The following PKP4 variants were observed in gnomAD, a reference collection of about 807,000 sequenced individuals.
PKP4 encodes the protein plakophilin 4.
Under a neutral mutation model 145.1 loss-of-function variants are expected in PKP4, and 90 were observed. The ratio of observed to expected loss-of-function variants is 0.62; its 90% CI spans 0.52 to 0.74. The LOEUF (loss-of-function observed/expected upper bound fraction) is 0.74. Ranked by LOEUF, PKP4 falls within the 30% of genes least tolerant of loss-of-function variation. PKP4 has a pLI of 0.00. For synonymous variants in PKP4, 563 were observed against 577.2 expected (o/e 0.98, Z 0.35); for missense variants, 1,340 against 1,482.7 (o/e 0.90, Z 1.58).
Position 158,489,156 on chromosome 2 carries a change from A to AT in PKP4, c.-6+31947dup, listed in dbSNP as rs1384047411. Among the ~76,000 whole-genome samples the AT allele has an allele frequency of 8.9e-3, 1,346 of 151,308 alleles. 20 individuals carry two copies. Among genetic ancestry groups the AT allele is most frequent in the African/African-American group, 0.03 (1,227 of 41,224 alleles). On this transcript the variant is annotated intron_variant, in intron 1 of 21. Coordinates refer to ENST00000389759, the MANE Select transcript of PKP4 (RefSeq NM_003628.6). ...AAGTTCATCCACATACAGTAGAGTC[A>AT]TTTTTTTTTCCTTCAGAAATCATTA...
At chr2:158,529,800 A>T (rs1053521230) in intron 1 of PKP4, among the ~76,000 whole-genome samples, 5 of 152,148 alleles carry the variant, frequency 3.3e-5, no homozygotes, top group African/African-American at 1.2e-4. Flanking sequence ...GTCTCATTAG[A>T]GGCAGCTCAT....
intron 11 of PKP4, among the ~76,000 whole-genome samples, chr2:158,651,713 C>T (rs1422003222): frequency 2.6e-5 from 4 of 151,778 alleles, no homozygotes; most frequent in Admixed American, 6.6e-5. Context: ...CAAGGAGAAG[C>T]GGCATGGTCT....
At position 158,533,280 on chromosome 2, in the gene PKP4, C is replaced by G. The variant is rs1159822768; in HGVS notation, c.96C>G (p.Thr32=). The G allele has an allele frequency of 6.2e-7, 1 of 1,614,042 alleles. No individual in the cohort carries two copies. Among genetic ancestry groups the G allele is most frequent in the East Asian group, 2.2e-5 (1 of 44,896 alleles). ...ASTGPGMEPE[T]TATTILASVK... ...CTGGCCCAGGCATGGAACCCGAGAC[C>G]ACAGCCACCACTATTCTAGCATCCG... Residue 32 remains threonine (T), a synonymous_variant, in exon 2 of 22, where the codon ACC becomes ACG. Coordinates refer to ENST00000389759, the MANE Select transcript of PKP4 (RefSeq NM_003628.6).
rs745891806 is a variant in PKP4, at chr2:158,680,617, C to T, written c.3519C>T (p.Ser1173=). 6 of 1,613,660 alleles carry T rather than the reference C, an allele frequency of 3.7e-6. No homozygotes were observed. In the East Asian group the frequency reaches 1.1e-4, roughly 30 times the overall value. ...CCACAAATTATGTAGACTTTTATTC[C>T]ACTAAACGACCTTCTTATAGAGCAG... is the stretch of plus-strand genomic sequence containing the variant. ...KSTTNYVDFY[S]TKRPSYRAEQ... The change falls in exon 22 of 22, where the codon TCC becomes TCT. Residue 1173 remains serine, a synonymous_variant. Transcript: ENST00000389759.
At chr2:158,487,761 G>A (rs1410836419) in intron 1 of PKP4, among the ~76,000 whole-genome samples, 1 of 151,210 alleles carries the variant, frequency 6.6e-6, no homozygotes, top group Non-Finnish European at 1.5e-5. Context: ...AGACTTGATG[G>A]TGAAAGAAAG....
At chr2:158,471,311 A>G (rs947119911) in intron 1 of PKP4, among the ~76,000 whole-genome samples, 3 of 152,236 alleles carry the variant, frequency 2.0e-5, no homozygotes, top group African/African-American at 7.2e-5. Flanking sequence ...ATCAGTGTAG[A>G]TGCTTAGGCG....
chr2:158,495,071 A>G (rs1695482970), intron 1 of PKP4, among the ~76,000 whole-genome samples: 13 of 151,270 alleles, frequency 8.6e-5, no homozygotes, highest in Admixed American at 8.6e-4. Flanking sequence ...ACAAAAAATT[A>G]GCCGGGCACG....
intron 3 of PKP4, among the ~76,000 whole-genome samples, chr2:158,580,271 C>CT (rs1271035809): frequency 6.6e-6 from 1 of 152,052 alleles, no homozygotes; most frequent in African/African-American, 2.4e-5. Flanking sequence ...CTGTCAGTGA[C>CT]TTTTTTTGTG....
At chr2:158,663,797 G>A (rs1181973756) in intron 15 of PKP4, among the ~76,000 whole-genome samples, 2 of 152,218 alleles carry the variant, frequency 1.3e-5, no homozygotes, top group African/African-American at 2.4e-5. Context: ...GAGTAAGGAC[G>A]TGGAGGAGAT....
At chr2:158,485,474 A>G (rs1456799080) in intron 1 of PKP4, among the ~76,000 whole-genome samples, 4 of 152,222 alleles carry the variant, frequency 2.6e-5, no homozygotes, top group African/African-American at 9.6e-5. Context: ...ACCACTGTTC[A>G]TAATTTCATA....
At chr2:158,502,697 A>G (rs540476521) in intron 1 of PKP4, among the ~76,000 whole-genome samples, 2 of 152,318 alleles carry the variant, frequency 1.3e-5, no homozygotes, top group Non-Finnish European at 2.9e-5. Context: ...GAACTGCCCA[A>G]TTGCAATTGG....
intron 9 of PKP4, among the ~76,000 whole-genome samples, chr2:158,635,098 G>A (rs867167616): frequency 1.3e-5 from 2 of 152,056 alleles, no homozygotes; most frequent in African/African-American, 4.8e-5. Flanking sequence ...TTCACTCTTC[G>A]CCCACAAATA....
intron 3 of PKP4, among the ~76,000 whole-genome samples, chr2:158,584,168 C>CT (rs1240193425): frequency 6.6e-6 from 1 of 152,236 alleles, no homozygotes; most frequent in Non-Finnish European, 1.5e-5. Flanking sequence ...AACCGAGGGT[C>CT]TGTGGCCCTG....
At chr2:158,642,894 A>AT (rs2054439165) in intron 11 of PKP4, among the ~76,000 whole-genome samples, 195 bp downstream of exon 11, 1 of 152,240 alleles carries the variant, frequency 6.6e-6, no homozygotes, top group Non-Finnish European at 1.5e-5. Flanking sequence ...AGTCATCTCT[A>AT]TTAGTATAAG....
At chr2:158,491,126 A>T (rs530263760) in intron 1 of PKP4, among the ~76,000 whole-genome samples, 1 of 152,262 alleles carries the variant, frequency 6.6e-6, no homozygotes, top group Non-Finnish European at 1.5e-5. Context: ...ACTGCAGTTG[A>T]GTATTTCATG....
intron 2 of PKP4, among the ~76,000 whole-genome samples, chr2:158,541,219 T>A (rs2044498436): frequency 6.6e-6 from 1 of 152,164 alleles, no homozygotes; most frequent in Non-Finnish European, 1.5e-5. Context: ...TATCTTCATG[T>A]TTAAGGGCTC....
intron 3 of PKP4, among the ~76,000 whole-genome samples, chr2:158,594,691 T>G (rs984816418): frequency 2.6e-5 from 4 of 152,188 alleles, no homozygotes; most frequent in African/African-American, 9.6e-5. Flanking sequence ...TTGTTTTGTT[T>G]TTGTTTTCAT....
At chr2:158,644,234 C>G (rs945542164) in intron 11 of PKP4, among the ~76,000 whole-genome samples, 7 of 152,130 alleles carry the variant, frequency 4.6e-5, no homozygotes, top group Non-Finnish European at 1.0e-4. Context: ...GACCAACAGT[C>G]TACTGATAAC....
intron 1 of PKP4, among the ~76,000 whole-genome samples, chr2:158,506,080 T>TTTC (rs1310213321): frequency 6.6e-6 from 1 of 152,254 alleles, no homozygotes; most frequent in Admixed American, 6.5e-5. Context: ...AAGAAAGTAC[T>TTTC]TTCAAATTAG....
Sources: allele counts gnomAD v4.1 joint callset (sites outside exome capture counted in the v4.1 genomes callset), GRCh38; gene constraint gnomAD v4.1.1; transcripts MANE v1.5; gene names NCBI Gene and HGNC (gene_info 2026-07-23, HGNC 2026-07-21).